MAP2: variants seen among roughly 807,000 people sequenced by gnomAD.
MAP2 encodes microtubule-associated protein 2.
In MAP2, 14 loss-of-function variants were observed where a neutral mutation model predicts 137.6. The observed-to-expected ratio is 0.10, with a 90% CI of 0.07 to 0.16. The LOEUF (loss-of-function observed/expected upper bound fraction) is 0.16, where lower values mean the gene tolerates loss of function less well. Ranked by LOEUF, MAP2 falls within the 10% of genes least tolerant of loss-of-function variation. The pLI is 1.00. For synonymous variants in MAP2, 786 were observed against 782.3 expected, an observed-to-expected ratio of 1.00 and a Z score of -0.08; for missense variants, 2,088 against 2,191.5, an observed-to-expected ratio of 0.95 and a Z score of 0.94.
At chr2:209,621,973 T>C in intron 3 of MAP2, among the ~76,000 whole-genome samples, 1 of 152,236 alleles carries the variant, frequency 6.6e-6, no homozygotes, top group East Asian at 1.9e-4. Context: ...TTTACTCAGC[T>C]TACTTTGTGA....
At chr2:209,628,064 T>C (rs1246102946) in intron 4 of MAP2, among the ~76,000 whole-genome samples, 2 of 152,190 alleles carry the variant, frequency 1.3e-5, no homozygotes, top group East Asian at 3.8e-4. Flanking sequence ...TACTAACTTA[T>C]GTAGAATTCA....
chr2:209,659,943 TAGG>T (rs2042637031), intron 5 of MAP2, among the ~76,000 whole-genome samples: 1 of 151,324 alleles, frequency 6.6e-6, no homozygotes, highest in African/African-American at 2.4e-5. Flanking sequence ...GAGGCTGAGG[TAGG>T]AGAATGGTGT....
At chr2:209,433,927 A>G (rs975056473) in intron 1 of MAP2, among the ~76,000 whole-genome samples, 16 of 152,126 alleles carry the variant, frequency 1.1e-4, no homozygotes, top group African/African-American at 3.9e-4. Context: ...CTCAATATGA[A>G]TGGGTCCTTT....
chr2:209,583,248 A>G (rs1368601451), intron 3 of MAP2, among the ~76,000 whole-genome samples: 2 of 151,942 alleles, frequency 1.3e-5, no homozygotes, highest in Admixed American at 6.6e-5. Context: ...TACTTAACTA[A>G]TATTCAAGCT....
At chr2:209,727,990 T>A (rs998804110) in intron 14 of MAP2, among the ~76,000 whole-genome samples, 6 of 152,082 alleles carry the variant, frequency 3.9e-5, no homozygotes, top group Admixed American at 3.9e-4. Context: ...AAAAATAAGC[T>A]GAGTGTGGTA....
intron 3 of MAP2, among the ~76,000 whole-genome samples, chr2:209,602,674 G>C (rs1311216988): frequency 2.0e-5 from 3 of 152,182 alleles, no homozygotes; most frequent in Non-Finnish European, 4.4e-5. Flanking sequence ...CAGCTCTCCT[G>C]ACAACTGAAA....
chr2:209,456,101 T>C (rs1701478910), intron 1 of MAP2, among the ~76,000 whole-genome samples: 1 of 152,218 alleles, frequency 6.6e-6, no homozygotes, highest in African/African-American at 2.4e-5. Context: ...CCTGGCATCT[T>C]GTCACACTTG....
At chr2:209,703,578 AAAC>A (rs1343249372) in intron 11 of MAP2, among the ~76,000 whole-genome samples, 2 of 152,288 alleles carry the variant, frequency 1.3e-5, no homozygotes, top group Middle Eastern at 3.4e-3. Context: ...ATCATTTTTT[AAAC>A]AACAAAATTT....
At chr2:209,701,207 A>T (rs1315723069) in intron 11 of MAP2, among the ~76,000 whole-genome samples, 1 of 151,992 alleles carries the variant, frequency 6.6e-6, no homozygotes, top group East Asian at 1.9e-4. Flanking sequence ...GAGAGTGTTC[A>T]TATTTGTTAT....
chr2:209,702,376 A>T (rs1049262075), intron 11 of MAP2, among the ~76,000 whole-genome samples: 2 of 151,632 alleles, frequency 1.3e-5, no homozygotes, highest in East Asian at 1.9e-4. Context: ...TCCTTGTTCT[A>T]TAAGTTTTCT....
Position 209,620,826 on chromosome 2 carries a change from A to T in MAP2, c.-106-4227A>T, listed in dbSNP as rs551733975. Reference sequence around the variant, plus strand: ...AGATTGATAGTGGAGGTGGAGTACAATGTTATTGTTGTTTATTTGAGAATT... The same window carrying T: ...AGATTGATAGTGGAGGTGGAGTACATTGTTATTGTTGTTTATTTGAGAATT... On this transcript the variant is annotated intron_variant, in intron 3 of 15. Transcript: ENST00000682079. Among the ~76,000 whole-genome samples the T allele has an allele frequency of 1.2e-4, 18 of 152,300 alleles. No homozygotes were observed. The East Asian group carries it at 3.3e-3, about 28-fold the overall frequency.
intron 10 of MAP2, among the ~76,000 whole-genome samples, chr2:209,697,850 CT>C (rs200397743): frequency 2.0e-5 from 3 of 151,082 alleles, no homozygotes; most frequent in Non-Finnish European, 3.0e-5. Context: ...TTGCTGTCTA[CT>C]TTTTTTTTGT....
chr2:209,656,724 G>A (rs188956464), intron 5 of MAP2, among the ~76,000 whole-genome samples: 32 of 149,600 alleles, frequency 2.1e-4, no homozygotes, highest in East Asian at 1.2e-3. Context: ...GAAAGCTGTC[G>A]TTATAATAAG....
chr2:209,578,844 A>G (rs1012893060), intron 2 of MAP2, among the ~76,000 whole-genome samples: 1 of 152,112 alleles, frequency 6.6e-6, no homozygotes, highest in Non-Finnish European at 1.5e-5. Flanking sequence ...CCCCAGGACC[A>G]AGCTGGTTGC....
chr2:209,596,902 T>C (rs1247596659), intron 3 of MAP2, among the ~76,000 whole-genome samples: 2 of 152,324 alleles, frequency 1.3e-5, no homozygotes, highest in Middle Eastern at 6.8e-3. Flanking sequence ...CCCCAGTACC[T>C]ATTATCTCTT....
chr2:209,479,951 T>C (rs1246734620), intron 1 of MAP2, among the ~76,000 whole-genome samples: 1 of 152,184 alleles, frequency 6.6e-6, no homozygotes, highest in East Asian at 1.9e-4. Context: ...ATGTGTTTTA[T>C]TGCTGCTGTT....
Position 209,693,453 on chromosome 2 carries a change from C to T in MAP2, c.1283C>T (p.Pro428Leu). ...ETVQQRDTFT[P>L]SGQEPILTEK... ...GTGCAGCAAAGGGATACTTTCACCC[C>T]CAGTGGACAGGAACCTATACTTACT... Residue 428 changes from proline (P) to leucine (L), a missense_variant, in exon 8 of 16, where the codon CCC (proline) becomes CTC (leucine). By Grantham distance (98) the Pro-to-Leu change is moderately conservative. Transcript: ENST00000682079. 2 of 1,613,970 alleles carry T rather than the reference C, an allele frequency of 1.2e-6. No homozygotes were observed. Among genetic ancestry groups the T allele is most frequent in the Non-Finnish European group, 1.7e-6 (2 of 1,180,000 alleles).
rs928198360 is a variant in MAP2, at chr2:209,732,867, A to G, written c.*2470A>G. The G allele has an allele frequency of 6.6e-6, 1 of 152,644 alleles. No individual in the cohort carries two copies. Among genetic ancestry groups the G allele is most frequent in the African/African-American group, 2.4e-5 (1 of 41,454 alleles). The allele number at this position is 152,644 out of a possible 1,614,324, so 9.5% of individuals were successfully genotyped here. On this transcript the variant is annotated 3_prime_UTR_variant, in exon 16 of 16. Transcript: ENST00000682079. ...TAATGAATAAATGTTCTTGCTTTGT[A>G]TGGAAATACAATTCTTTATTAAAGT...
chr2:209,519,349 T>C (rs975965171), intron 2 of MAP2, among the ~76,000 whole-genome samples: 3 of 152,120 alleles, frequency 2.0e-5, no homozygotes, highest in African/African-American at 7.2e-5. Context: ...GGGGTGATCA[T>C]CTGTGTTAGC....
Sources: allele counts gnomAD v4.1 joint callset (sites outside exome capture counted in the v4.1 genomes callset), GRCh38; gene constraint gnomAD v4.1.1; transcripts MANE v1.5; gene names NCBI Gene and HGNC (gene_info 2026-07-23, HGNC 2026-07-21).